Variants in TFDP1 observed in about 807,000 individuals in gnomAD.
TFDP1 encodes the protein transcription factor Dp-1.
A neutral mutation model predicts 48.0 loss-of-function variants in TFDP1; 6 were observed. The ratio of observed to expected loss-of-function variants is 0.13; its 90% CI spans 0.07 to 0.25. The LOEUF (loss-of-function observed/expected upper bound fraction) is 0.25, where lower values mean the gene tolerates loss of function less well. Among genes scored for constraint, TFDP1 ranks in the 10% least tolerant of loss-of-function variants. TFDP1 has a pLI of 1.00. For missense variants in TFDP1, 335 were observed against 543.0 expected, an observed-to-expected ratio of 0.62 and a Z score of 3.81; for synonymous variants, 201 against 211.6, an observed-to-expected ratio of 0.95 and a Z score of 0.44.
chr13:113,587,961 GTTC>G (rs574278818), intron 2 of TFDP1, among the ~76,000 whole-genome samples: 3 of 152,122 alleles, frequency 2.0e-5, no homozygotes, highest in Non-Finnish European at 4.4e-5. Context: ...GGTTCAAGCA[GTTC>G]TTCTCCTCAG....
intron 3 of TFDP1, among the ~76,000 whole-genome samples, chr13:113,619,761 A>G (rs2048953504): frequency 6.6e-6 from 1 of 152,118 alleles, no homozygotes. Flanking sequence ...TCTGTCCCGT[A>G]GAGACTCAGC....
At chr13:113,606,256 G>C (rs886852409) in intron 2 of TFDP1, among the ~76,000 whole-genome samples, 5 of 152,154 alleles carry the variant, frequency 3.3e-5, no homozygotes, top group Non-Finnish European at 5.9e-5. Flanking sequence ...GTCCGCAGGG[G>C]AGCCTGTTCT....
At chr13:113,637,519 C>A in intron 10 of TFDP1, 1 of 1,207,434 alleles carries the variant, frequency 8.3e-7, no homozygotes, top group Non-Finnish European at 1.1e-6. Flanking sequence ...TGATTCGGTT[C>A]CGTTTCACGA....
intron 3 of TFDP1, 152 bp downstream of exon 3, chr13:113,611,214 G>T (rs964385246): frequency 1.3e-5 from 9 of 676,672 alleles, no homozygotes; most frequent in Non-Finnish European, 2.3e-5. Flanking sequence ...GGTGGGCGTA[G>T]GAGCCTTCTA....
rs375291566 is a variant in TFDP1, at chr13:113,614,164, TGTG to T, written c.79+3103_79+3105del. On this transcript the variant is annotated intron_variant, in intron 3 of 11. Coordinates refer to ENST00000375370, the MANE Select transcript of TFDP1 (RefSeq NM_007111.5). Reference sequence around the variant, plus strand: ...TATGTGCGTGTGCATGTGTGTGTGTTGTGTGCATGAGTTGAATGAGTTGTATGT... The same window carrying T: ...TATGTGCGTGTGCATGTGTGTGTGTTTGCATGAGTTGAATGAGTTGTATGT... 8.6e-4 allele frequency among the ~76,000 whole-genome samples: 131 copies of T among 151,782 alleles called. 2 individuals are homozygous for T. In the East Asian group the frequency reaches 0.023, roughly 27 times the overall value.
chr13:113,636,234 C>A, intron 9 of TFDP1, 106 bp downstream of exon 9: 2 of 1,425,432 alleles, frequency 1.4e-6, no homozygotes, highest in Non-Finnish European at 9.6e-7. Flanking sequence ...GTACAAATAG[C>A]AAATGTTGCA....
intron 3 of TFDP1, among the ~76,000 whole-genome samples, chr13:113,613,691 GTGTA>G (rs1433177011): frequency 2.0e-5 from 3 of 148,820 alleles, no homozygotes; most frequent in African/African-American, 7.6e-5. Flanking sequence ...GAGTGTGTGT[GTGTA>G]TGCGTGAATG....
At chr13:113,594,255 G>A (rs996786799) in intron 2 of TFDP1, among the ~76,000 whole-genome samples, 6 of 149,988 alleles carry the variant, frequency 4.0e-5, no homozygotes, top group African/African-American at 1.5e-4. Flanking sequence ...GGTGACAGGT[G>A]TGGTGTACGT....
intron 10 of TFDP1, chr13:113,637,259 G>A (rs1437861841): frequency 1.3e-5 from 3 of 237,786 alleles, no homozygotes; most frequent in East Asian, 1.2e-4. Flanking sequence ...AATTGTGAAG[G>A]TGTCATATCT....
At chr13:113,611,770 CTG>C (rs978293957) in intron 3 of TFDP1, among the ~76,000 whole-genome samples, 3 of 152,170 alleles carry the variant, frequency 2.0e-5, no homozygotes, top group Non-Finnish European at 2.9e-5. Flanking sequence ...AGAGGCTGTG[CTG>C]TGTGGATCTG....
intron 5 of TFDP1, among the ~76,000 whole-genome samples, chr13:113,632,892 G>A (rs1045226433): frequency 4.6e-5 from 7 of 152,356 alleles, no homozygotes; most frequent in Non-Finnish European, 8.8e-5. Context: ...TGGAAGGTTA[G>A]AGGTGCAGCC....
intron 4 of TFDP1, among the ~76,000 whole-genome samples, chr13:113,625,736 C>T (rs1332512623): frequency 1.9e-5 from 1 of 53,940 alleles, no homozygotes; most frequent in African/African-American, 7.6e-5. Context: ...GCGTCTCTCA[C>T]GTGTCCTCAG....
At chr13:113,597,810 C>A (rs535112742) in intron 2 of TFDP1, among the ~76,000 whole-genome samples, 16 of 152,330 alleles carry the variant, frequency 1.1e-4, no homozygotes, top group African/African-American at 3.8e-4. Context: ...GCTCTGAGCT[C>A]AGGAGCCAGC....
rs1012572559 is a variant in TFDP1 at position 113,598,009 on chromosome 13, G to C, written c.12+12160G>C. Among the ~76,000 whole-genome samples the C allele has an allele frequency of 2.6e-5, 4 of 152,174 alleles. No individual in the cohort carries two copies. Among genetic ancestry groups the C allele is most frequent in the Non-Finnish European group, 4.4e-5 (3 of 68,034 alleles). On this transcript the variant is annotated intron_variant, in intron 2 of 11. Transcript: ENST00000375370. This position sits in a 1 kb window ranked among gnomAD's most constrained non-coding sequence, Gnocchi z 4.2. ...CTGCTTCCAGGAGGGCTGCAGGCAC[G>C]AGGTGTTCAAATGCAGCAGTGACTT...
At position 113,585,101 on chromosome 13, in the gene TFDP1, C is replaced by G. The variant is rs868199138; in HGVS notation, c.-65+213C>G. On this transcript the variant is annotated intron_variant, in intron 1 of 11. Transcript: ENST00000375370. ...CCAGGTGACCGCGGGGCGGGGGTCCCGGGCCCGGCCCTCCCGGCCGACAGC... is the reference window on the plus strand; with the variant it reads ...CCAGGTGACCGCGGGGCGGGGGTCCGGGGCCCGGCCCTCCCGGCCGACAGC... Among the ~76,000 whole-genome samples the G allele has an allele frequency of 5.9e-4, 87 of 146,790 alleles. No individual in the cohort carries two copies. The South Asian group carries it at 0.018, about 30-fold the overall frequency.
intron 11 of TFDP1, among the ~76,000 whole-genome samples, chr13:113,639,398 A>C (rs1289045596): frequency 6.6e-6 from 1 of 152,244 alleles, no homozygotes; most frequent in African/African-American, 2.4e-5. Flanking sequence ...TTATACAAGT[A>C]CCTCATGAAA....
chr13:113,633,304 C>T lies in TFDP1; in HGVS notation c.474+19C>T, dbSNP rs374552982. The T allele has an allele frequency of 9.3e-6, 15 of 1,606,692 alleles. No homozygotes were observed. In the African/African-American group the frequency reaches 1.6e-4, roughly 17 times the overall value. On this transcript the variant is annotated intron_variant, in intron 6 of 11. Coordinates refer to ENST00000375370, the MANE Select transcript of TFDP1 (RefSeq NM_007111.5). This position sits in a 1 kb window ranked among gnomAD's most constrained non-coding sequence, Gnocchi z 4.5. Reference sequence around the variant, plus strand: ...CGAGTCAGTAAGTGTGTGCCGGGGGCCGAGAGGCTGGGGTGGCGGAGCCCA... The same window carrying T: ...CGAGTCAGTAAGTGTGTGCCGGGGGTCGAGAGGCTGGGGTGGCGGAGCCCA...
intron 2 of TFDP1, among the ~76,000 whole-genome samples, chr13:113,606,338 C>G (rs1449822571): frequency 6.6e-6 from 1 of 152,130 alleles, no homozygotes; most frequent in African/African-American, 2.4e-5. Flanking sequence ...AGGAATCCAC[C>G]GCTCACAGCT....
rs140523394 is a variant in TFDP1 at position 113,623,222 on chromosome 13, C to T, written c.122C>T (p.Pro41Leu). The T allele has an allele frequency of 6.0e-5, 97 of 1,613,630 alleles. No individual in the cohort carries two copies. Among genetic ancestry groups the T allele is most frequent in the Non-Finnish European group, 7.2e-5 (85 of 1,179,826 alleles). Residue 41 changes from proline (P) to leucine (L), a missense_variant, in exon 4 of 12, where the codon CCG (proline) becomes CTG (leucine). Physicochemically the swap from Pro to Leu is moderately conservative, Grantham distance 98 (BLOSUM62 -3). Transcript: ENST00000375370. This position sits in a 1 kb window ranked among gnomAD's most constrained non-coding sequence, Gnocchi z 5.2. The stretch of plus-strand genomic sequence containing the variant: ...GCCGTTCACCCCTCCACCGTCAACC[C>T]GCTCGGGAAGCAGCTCTTGCCAAAA... Reference protein sequence around the residue: ...LVAVHPSTVNPLGKQLLPKTF... With the variant: ...LVAVHPSTVNLLGKQLLPKTF...
Sources: allele counts gnomAD v4.1 joint callset (sites outside exome capture counted in the v4.1 genomes callset), GRCh38; gene constraint gnomAD v4.1.1; non-coding constraint Gnocchi (gnomAD v3.1); transcripts MANE v1.5; gene names NCBI Gene and HGNC (gene_info 2026-07-23, HGNC 2026-07-21).